The following TTC7B variants were observed in gnomAD, a reference collection of about 807,000 sequenced individuals.
TTC7B encodes tetratricopeptide repeat domain 7B.
TTC7B carries 28 observed loss-of-function variants against 106.8 expected under a neutral mutation model. The observed-to-expected ratio is 0.26, with a 90% CI of 0.19 to 0.36. The LOEUF (loss-of-function observed/expected upper bound fraction) is 0.36, where lower values mean the gene tolerates loss of function less well. TTC7B is among the 10% of genes least tolerant of loss of function. TTC7B has a pLI of 1.00. For synonymous variants in TTC7B, 405 were observed against 430.6 expected, an observed-to-expected ratio of 0.94 and a Z score of 0.74; for missense variants, 862 against 1,076.4, an observed-to-expected ratio of 0.80 and a Z score of 2.79.
intron 15 of TTC7B, among the ~76,000 whole-genome samples, chr14:90,628,962 C>T (rs944529555): frequency 1.2e-4 from 19 of 152,378 alleles, no homozygotes; most frequent in Middle Eastern, 3.4e-3. Flanking sequence ...AGGCATAGCA[C>T]GCTCCAGCGT....
rs150547371 is a variant in TTC7B, at chr14:90,602,282, T to C, written c.1966+8460A>G. 4 of 454,280 alleles carry C rather than the reference T, an allele frequency of 8.8e-6. No homozygotes were observed. The East Asian group carries it at 2.8e-4, about 32-fold the overall frequency. The allele number at this position is 454,280 out of a possible 1,614,324, so 28.1% of individuals were successfully genotyped here. The stretch of plus-strand genomic sequence containing the variant: ...TTCTCAGAACATTTAATGTGGTTAA[T>C]GTGAACTATGAAGCACTAGGCAGGA... On this transcript the variant is annotated intron_variant, in intron 17 of 19. Coordinates refer to ENST00000328459, the MANE Select transcript of TTC7B (RefSeq NM_001010854.2).
intron 5 of TTC7B, among the ~76,000 whole-genome samples, chr14:90,704,047 G>T (rs1265423431): frequency 1.3e-5 from 2 of 152,192 alleles, no homozygotes; most frequent in African/African-American, 4.8e-5. Flanking sequence ...CACTGAGATG[G>T]GGAAGGACTG....
intron 5 of TTC7B, chr14:90,698,431 A>G (rs1482452904): frequency 6.6e-6 from 1 of 152,244 alleles, no homozygotes; most frequent in East Asian, 1.9e-4. Flanking sequence ...ACTCCACTCA[A>G]AATGAAGATA....
intron 19 of TTC7B, among the ~76,000 whole-genome samples, chr14:90,552,476 C>G (rs184539655): frequency 2.0e-5 from 3 of 152,342 alleles, no homozygotes; most frequent in African/African-American, 7.2e-5. Context: ...GCACAAGGCC[C>G]TCTCCCCAGT....
chr14:90,766,903 C>G, intron 3 of TTC7B: 1 of 1,563,794 alleles, frequency 6.4e-7, no homozygotes, highest in South Asian at 1.1e-5. Flanking sequence ...AGGGCTGTGC[C>G]ACTCCTGGGG....
intron 3 of TTC7B, among the ~76,000 whole-genome samples, chr14:90,763,793 G>A (rs905743675): frequency 6.6e-6 from 1 of 151,994 alleles, no homozygotes; most frequent in Non-Finnish European, 1.5e-5. Flanking sequence ...TTAACAAAAG[G>A]AATGTAAGAC....
At chr14:90,646,411 G>A (rs753709360) in intron 14 of TTC7B, among the ~76,000 whole-genome samples, 1 of 152,216 alleles carries the variant, frequency 6.6e-6, no homozygotes, top group Non-Finnish European at 1.5e-5. Context: ...TGCCCCTCCC[G>A]CAAGGAGATA....
intron 5 of TTC7B, 63 bp downstream of exon 5, chr14:90,730,012 C>A: frequency 1.3e-6 from 2 of 1,504,032 alleles, no homozygotes; most frequent in Non-Finnish European, 8.9e-7. Flanking sequence ...CTGGAGACAG[C>A]ATTGTAAGGC....
At chr14:90,683,771 C>A (rs535329465) in intron 7 of TTC7B, among the ~76,000 whole-genome samples, 1 of 152,090 alleles carries the variant, frequency 6.6e-6, no homozygotes, top group Non-Finnish European at 1.5e-5. Context: ...AGAGGACGGG[C>A]CTCTCCACAA....
At chr14:90,722,999 A>C (rs1343147261) in intron 5 of TTC7B, among the ~76,000 whole-genome samples, 1 of 152,174 alleles carries the variant, frequency 6.6e-6, no homozygotes, top group Non-Finnish European at 1.5e-5. Flanking sequence ...AATATAATCA[A>C]TATGCTGAAA....
intron 13 of TTC7B, 105 bp downstream of exon 13, chr14:90,652,736 G>A (rs756485400): frequency 5.9e-6 from 8 of 1,346,164 alleles, no homozygotes; most frequent in Non-Finnish European, 8.5e-6. Context: ...ACTCTCAGGG[G>A]TAAAACACTG....
intron 15 of TTC7B, among the ~76,000 whole-genome samples, chr14:90,643,452 G>T (rs1371668932): frequency 6.6e-6 from 1 of 152,076 alleles, no homozygotes. Flanking sequence ...TTCATCCACA[G>T]TCCATCTAAA....
At chr14:90,644,461 T>C (rs373862704) in intron 14 of TTC7B, among the ~76,000 whole-genome samples, 45 of 152,330 alleles carry the variant, frequency 3.0e-4, no homozygotes, top group African/African-American at 1.0e-3. Flanking sequence ...CAGGAGACCC[T>C]GTTTCTCTAC....
intron 2 of TTC7B, 35 bp from the exon 3 acceptor site, chr14:90,780,941 C>G (rs1475097462): frequency 1.2e-6 from 2 of 1,603,538 alleles, no homozygotes; most frequent in East Asian, 4.5e-5. Flanking sequence ...AAGCATTTTC[C>G]TACAATATCA....
intron 19 of TTC7B, among the ~76,000 whole-genome samples, chr14:90,548,175 T>G (rs1398181803): frequency 6.6e-6 from 1 of 152,194 alleles, no homozygotes; most frequent in Non-Finnish European, 1.5e-5. Context: ...GCAGTGTTAG[T>G]GCAGAGAGCA....
intron 4 of TTC7B, among the ~76,000 whole-genome samples, chr14:90,730,637 A>G (rs1889289932): frequency 6.6e-6 from 1 of 152,192 alleles, no homozygotes; most frequent in South Asian, 2.1e-4. Context: ...ATGAGCTCCA[A>G]GATGAGCTGA....
intron 15 of TTC7B, among the ~76,000 whole-genome samples, chr14:90,638,840 A>G (rs951389620): frequency 6.6e-6 from 1 of 152,256 alleles, no homozygotes; most frequent in Non-Finnish European, 1.5e-5. Context: ...GACAGTGACA[A>G]GACAGTGGCA....
At position 90,534,586 on chromosome 14, in the gene TTC7B, AGGT is replaced by A. The variant is rs1294487241; in HGVS notation, c.*6779_*6781del. The A allele has an allele frequency of 6.6e-6, 1 of 152,468 alleles. No homozygotes were observed. Among genetic ancestry groups the A allele is most frequent in the Non-Finnish European group, 1.5e-5 (1 of 68,378 alleles). 9.4% of individuals were successfully genotyped at this position (152,468 alleles called of 1,614,324 possible). On this transcript the variant is annotated 3_prime_UTR_variant, in exon 20 of 20. Transcript: ENST00000328459. ...CAATGCCCACCCTGTCGGCCTTGAG[AGGT>A]GGTGGGGGAGGAGCAGGAATGAGAA...
chr14:90,776,833 A>G (rs886754274), intron 3 of TTC7B, among the ~76,000 whole-genome samples: 11 of 152,142 alleles, frequency 7.2e-5, no homozygotes, highest in Non-Finnish European at 1.6e-4. Flanking sequence ...TGGCTCAACC[A>G]CTTCCTAGCT....
Sources: gnomAD v4.1 joint callset for allele counts (sites outside exome capture counted in the v4.1 genomes callset) on GRCh38, gnomAD v4.1.1 for gene constraint, MANE v1.5 for transcripts, NCBI Gene and HGNC (gene_info 2026-07-23, HGNC 2026-07-21) for gene names.